The following AGXT2 variants were observed in gnomAD, a reference collection of about 807,000 sequenced individuals.
AGXT2 encodes the protein alanine--glyoxylate aminotransferase 2, also known as alanine--glyoxylate aminotransferase 2, mitochondrial.
AGXT2 carries 61 observed loss-of-function variants against 62.5 expected under a neutral mutation model. That is an observed-to-expected ratio of 0.98 (90% CI 0.79 to 1.21). The LOEUF (loss-of-function observed/expected upper bound fraction) is 1.21. Ranked by LOEUF, AGXT2 falls within the 50% of genes most tolerant of loss-of-function variation. AGXT2 has a pLI of 0.00. For missense variants in AGXT2, 666 were observed against 641.5 expected (o/e 1.04, Z -0.41); for synonymous variants, 243 against 218.7 (o/e 1.11, Z -0.98).
rs1767317610 is a variant in AGXT2, at chr5:35,025,804, C to G, written c.922G>C (p.Glu308Gln). 1.9e-6 allele frequency: 3 copies of G among 1,614,154 alleles called. No homozygotes were observed. The highest frequency in any genetic ancestry group is 2.2e-5 in the South Asian group (2 of 91,072). ...ACGCCTCCCCTTGCTCGCACCAGCT[C>G]AAAGGCTTCCTTTAGAAACCCCTTT... ...YPKGFLKEAF[E>Q]LVRARGGVCI... Residue 308 changes from glutamate to glutamine, a missense_variant, in exon 9 of 14, where the codon GAG (glutamate) becomes CAG (glutamine). Physicochemically the swap from Glu to Gln is conservative, Grantham distance 29. Transcript: ENST00000231420.
chr5:35,014,452 C>CAAAAAAA (rs61052930), intron 9 of AGXT2, among the ~76,000 whole-genome samples: 2 of 86,224 alleles, frequency 2.3e-5, no homozygotes, highest in African/African-American at 9.2e-5. Context: ...GACTCCATCT[C>CAAAAAAA]AAAAAAAAAA....
chr5:35,022,871 T>C (rs2112233436), intron 9 of AGXT2, among the ~76,000 whole-genome samples: 1 of 152,016 alleles, frequency 6.6e-6, no homozygotes, highest in African/African-American at 2.4e-5. Context: ...ATATTGTTTT[T>C]CTTCTACATT....
intron 7 of AGXT2, among the ~76,000 whole-genome samples, chr5:35,032,204 A>G (rs1242349534): frequency 6.6e-6 from 1 of 151,654 alleles, no homozygotes; most frequent in Non-Finnish European, 1.5e-5. Context: ...TGCCCGCCTC[A>G]ACCTCCCAAA....
chr5:35,014,081 C>T lies in AGXT2; in HGVS notation c.1002G>A (p.Trp334Ter), dbSNP rs1192025756. Residue 334 changes from tryptophan (W) to a stop codon, truncating the protein, a stop_gained, in exon 10 of 14, where the codon TGG becomes TGA. Transcript: ENST00000231420. LOFTEE classifies it high-confidence loss of function. ...TGFGRLGSHF[W>*]GFQTHDVLPD... ...GCAGGACATCGTGGGTTTGGAAGCC[C>T]CAGAAGTGAGAGCCCAACCTTCCAA... is the stretch of plus-strand genomic sequence containing the variant. 2 of 1,613,948 alleles carry T rather than the reference C, an allele frequency of 1.2e-6. No individual in the cohort carries two copies. Among genetic ancestry groups the T allele is most frequent in the African/African-American group, 2.7e-5 (2 of 74,892 alleles).
chr5:35,021,638 A>G (rs1399568581), intron 9 of AGXT2, among the ~76,000 whole-genome samples: 2 of 152,110 alleles, frequency 1.3e-5, no homozygotes, highest in African/African-American at 4.8e-5. Flanking sequence ...AAACCTAGGC[A>G]TTACCATTCA....
At chr5:34,999,233 T>C (rs1255715103) in intron 13 of AGXT2, among the ~76,000 whole-genome samples, 1 of 152,198 alleles carries the variant, frequency 6.6e-6, no homozygotes, top group Non-Finnish European at 1.5e-5. Flanking sequence ...TTCATACCCA[T>C]GGCCAATGCC....
intron 1 of AGXT2, among the ~76,000 whole-genome samples, chr5:35,046,719 A>C (rs1177069917): frequency 6.6e-6 from 1 of 152,174 alleles, no homozygotes; most frequent in Non-Finnish European, 1.5e-5. Context: ...AAGGAGGGTG[A>C]AAGGGAAATA....
At chr5:35,029,219 G>T (rs73084625) in intron 7 of AGXT2, among the ~76,000 whole-genome samples, 66 of 152,244 alleles carry the variant, frequency 4.3e-4, no homozygotes, top group Non-Finnish European at 8.7e-4. Context: ...GAAATTTCCC[G>T]TTTTTATTGG....
At chr5:35,027,486 T>G (rs1198016880) in intron 7 of AGXT2, among the ~76,000 whole-genome samples, 2 of 152,186 alleles carry the variant, frequency 1.3e-5, no homozygotes, top group South Asian at 4.1e-4. Flanking sequence ...AAAACTTGCT[T>G]TCTTATTCTT....
At chr5:35,020,572 T>G (rs965133312) in intron 9 of AGXT2, among the ~76,000 whole-genome samples, 1 of 152,040 alleles carries the variant, frequency 6.6e-6, no homozygotes, top group African/African-American at 2.4e-5. Context: ...TGGGACGTAT[T>G]TCAAAATAAT....
intron 9 of AGXT2, 61 bp downstream of exon 9, chr5:35,025,702 G>A: frequency 6.5e-7 from 1 of 1,538,930 alleles, no homozygotes; most frequent in Non-Finnish European, 9.0e-7. Context: ...AGTTTAGGAG[G>A]TTTCTGTCTG....
chr5:35,033,283 C>T (rs982854079), intron 6 of AGXT2, 177 bp downstream of exon 6: 12 of 629,424 alleles, frequency 1.9e-5, no homozygotes, highest in Admixed American at 2.6e-5. Flanking sequence ...TACTCAGACT[C>T]GGAAGGCCTT....
rs1033352325 is a variant in AGXT2 at position 34,998,147 on chromosome 5, G to C, written c.*572C>G. Reference sequence around the variant, plus strand: ...ACCTCAAATATCAAGAGGCCCTGAGGTAGGGTGGCTCCAGGAATGCTTAAG... The same window carrying C: ...ACCTCAAATATCAAGAGGCCCTGAGCTAGGGTGGCTCCAGGAATGCTTAAG... On this transcript the variant is annotated 3_prime_UTR_variant, in exon 14 of 14. Transcript: ENST00000231420. The C allele has an allele frequency of 6.3e-6, 1 of 158,442 alleles. No individual in the cohort carries two copies. The highest frequency in any genetic ancestry group is 2.4e-5 in the African/African-American group (1 of 41,484). The allele number at this position is 158,442 out of a possible 1,614,324, so 9.8% of individuals were successfully genotyped here. A position where few individuals can be genotyped will look rare whatever the true frequency, so the allele number is the denominator to read the frequency against.
intron 8 of AGXT2, 99 bp from the exon 9 acceptor site, chr5:35,025,954 T>C: frequency 1.0e-6 from 1 of 990,064 alleles, no homozygotes; most frequent in East Asian, 2.4e-5. Flanking sequence ...ATCATGACAG[T>C]AACACTAGCA....
intron 9 of AGXT2, among the ~76,000 whole-genome samples, chr5:35,021,388 G>A (rs1482677821): frequency 3.3e-5 from 5 of 151,206 alleles, no homozygotes; most frequent in African/African-American, 7.3e-5. Context: ...TAGATCAATG[G>A]AACAGAACAG....
intron 13 of AGXT2, among the ~76,000 whole-genome samples, chr5:35,000,548 T>C (rs7737763): frequency 0.49 from 73,755 of 151,912 alleles, 19,419 homozygotes; most frequent in Non-Finnish European, 0.6. Context: ...ACTCAGCTAA[T>C]TTTTTATATT....
At chr5:35,032,868 A>G in intron 6 of AGXT2, 43 bp from the exon 7 acceptor site, 2 of 1,524,230 alleles carry the variant, frequency 1.3e-6, no homozygotes, top group Non-Finnish European at 1.8e-6. Flanking sequence ...CATGAACACA[A>G]GACAGCCAAG....
chr5:35,036,827 C>G, intron 4 of AGXT2, 115 bp downstream of exon 4: 3 of 1,519,520 alleles, frequency 2.0e-6, no homozygotes, highest in South Asian at 2.3e-5. Flanking sequence ...GCCCATGTCC[C>G]TGCTTCCTAG....
In AGXT2 at chr5:34,998,839, C is replaced by CA; in HGVS notation, c.1438-14dup. 1.9e-6 allele frequency: 3 copies of CA among 1,569,846 alleles called. No individual in the cohort carries two copies. The highest frequency in any genetic ancestry group is 1.8e-6 in the Non-Finnish European group (2 of 1,141,158). On this transcript the variant is annotated splice_polypyrimidine_tract_variant and intron_variant, in intron 13 of 13. Coordinates refer to ENST00000231420, the MANE Select transcript of AGXT2 (RefSeq NM_031900.4). ...CAATGCGAAATGTCTGAGGAGACAC[C>CA]AAAAAATAAGAAAACAAATCATCAG...
Sources: gnomAD v4.1 joint callset for allele counts (sites outside exome capture counted in the v4.1 genomes callset) on GRCh38, gnomAD v4.1.1 for gene constraint, MANE v1.5 for transcripts, NCBI Gene and HGNC (gene_info 2026-07-23, HGNC 2026-07-21) for gene names.